Variants in SYT1 observed in about 807,000 individuals in gnomAD.
The protein encoded by SYT1 is synaptotagmin-1.
In SYT1, 8 loss-of-function variants were observed where a neutral mutation model predicts 44.8. That is an observed-to-expected ratio of 0.18 (90% CI 0.10 to 0.32). The LOEUF is 0.32. SYT1 is among the 10% of genes least tolerant of loss of function. The probability of loss-of-function intolerance (pLI) is 1.00; values close to 1 mark genes in which losing one functional copy is unlikely to be tolerated. For missense variants in SYT1, 286 were observed against 509.3 expected (o/e 0.56, Z 4.22); for synonymous variants, 154 against 188.8 (o/e 0.82, Z 1.51).
At chr12:79,141,231 A>G (rs1273322643) in intron 3 of SYT1, among the ~76,000 whole-genome samples, 1 of 152,112 alleles carries the variant, frequency 6.6e-6, no homozygotes, top group Non-Finnish European at 1.5e-5. Context: ...AATTCAGTCT[A>G]TACATTGGTA....
At chr12:79,001,970 T>C (rs978581041) in intron 2 of SYT1, among the ~76,000 whole-genome samples, 1 of 152,114 alleles carries the variant, frequency 6.6e-6, no homozygotes, top group Admixed American at 6.6e-5. Context: ...GAAGTTTTGC[T>C]TTTGGTGATT....
intron 8 of SYT1, among the ~76,000 whole-genome samples, chr12:79,314,426 G>A (rs985344593): frequency 9.9e-5 from 15 of 152,138 alleles, no homozygotes; most frequent in Admixed American, 2.0e-4. Flanking sequence ...GACGAACCCA[G>A]TTTAAGGCTC....
chr12:79,323,516 T>A (rs1199499208), intron 8 of SYT1, among the ~76,000 whole-genome samples: 1 of 152,206 alleles, frequency 6.6e-6, no homozygotes, highest in Non-Finnish European at 1.5e-5. Flanking sequence ...TGAAGTTTAC[T>A]TAACACCGAA....
chr12:79,150,656 A>G (rs17005303), intron 3 of SYT1, among the ~76,000 whole-genome samples: 2,136 of 152,304 alleles, frequency 0.014, 54 homozygotes, highest in African/African-American at 0.049. Flanking sequence ...ACAAGATGAT[A>G]GTCATGCCAA....
rs148232305 is a variant in SYT1 at position 79,379,832 on chromosome 12, T to C, written c.928+26213T>C. On this transcript the variant is annotated intron_variant, in intron 9 of 10. Coordinates refer to ENST00000261205, the MANE Select transcript of SYT1 (RefSeq NM_005639.3). The stretch of plus-strand genomic sequence containing the variant: ...AAAAAACTATAGATATTGCTGAGAG[T>C]TTACTTACTGTGCTTAATACTTCAC... Among the ~76,000 whole-genome samples the C allele has an allele frequency of 2.5e-3, 381 of 152,188 alleles. 1 individual carries two copies. The highest frequency in any genetic ancestry group is 8.8e-3 in the African/African-American group (366 of 41,522).
At chr12:79,323,528 A>T (rs1022920014) in intron 8 of SYT1, among the ~76,000 whole-genome samples, 1 of 152,192 alleles carries the variant, frequency 6.6e-6, no homozygotes, top group Non-Finnish European at 1.5e-5. Context: ...AACACCGAAA[A>T]CGTCAGTCCA....
chr12:79,308,611 AAAAAGAAAGAAAG>A (rs1208562733), intron 8 of SYT1, among the ~76,000 whole-genome samples: 8 of 37,330 alleles, frequency 2.1e-4, no homozygotes, highest in Admixed American at 6.8e-4. Context: ...AGAAAGAAAG[AAAAAGAAAGAAAG>A]AAAGAAAGAA....
intron 1 of SYT1, among the ~76,000 whole-genome samples, chr12:78,902,011 G>A (rs1051316516): frequency 7.4e-5 from 11 of 148,892 alleles, no homozygotes; most frequent in African/African-American, 2.5e-4. Context: ...ACAGGGAGGC[G>A]AACATCACAC....
chr12:79,248,643 G>C (rs1027247463), intron 4 of SYT1, among the ~76,000 whole-genome samples: 1 of 152,156 alleles, frequency 6.6e-6, no homozygotes, highest in African/African-American at 2.4e-5. Flanking sequence ...TAACTTTACT[G>C]AAGACTAAAA....
At chr12:79,159,099 T>C (rs530098718) in intron 3 of SYT1, among the ~76,000 whole-genome samples, 65 of 152,266 alleles carry the variant, frequency 4.3e-4, no homozygotes, top group African/African-American at 1.5e-3. Context: ...AGGCCTCTTA[T>C]GCTTTGCTGA....
At chr12:79,240,541 G>T (rs1876443483) in intron 4 of SYT1, among the ~76,000 whole-genome samples, 1 of 152,130 alleles carries the variant, frequency 6.6e-6, no homozygotes, top group Non-Finnish European at 1.5e-5. Context: ...ATCCTTCAAA[G>T]GTTATATTTT....
chr12:79,379,906 C>A (rs1228986541), intron 9 of SYT1, among the ~76,000 whole-genome samples: 1 of 152,112 alleles, frequency 6.6e-6, no homozygotes, highest in South Asian at 2.1e-4. Context: ...AGGAAACAAG[C>A]CTAAGGAAAT....
intron 7 of SYT1, among the ~76,000 whole-genome samples, chr12:79,299,064 C>T (rs898494676): frequency 5.9e-5 from 9 of 152,054 alleles, no homozygotes; most frequent in South Asian, 4.1e-4. Flanking sequence ...TACTTATAGT[C>T]AAATGCAATT....
chr12:79,076,333 C>T (rs1876647052), intron 3 of SYT1, among the ~76,000 whole-genome samples: 1 of 152,104 alleles, frequency 6.6e-6, no homozygotes, highest in Admixed American at 6.6e-5. Flanking sequence ...CCGTGACCTT[C>T]TTGCTTCTGT....
intron 3 of SYT1, among the ~76,000 whole-genome samples, chr12:79,083,792 A>G (rs1321924840): frequency 2.6e-5 from 4 of 152,190 alleles, no homozygotes. Flanking sequence ...AAATAATAGA[A>G]GAAGCTTTAG....
At chr12:79,228,396 G>T (rs532018302) in intron 4 of SYT1, among the ~76,000 whole-genome samples, 1 of 152,048 alleles carries the variant, frequency 6.6e-6, no homozygotes, top group Non-Finnish European at 1.5e-5. Context: ...GATACTTCCC[G>T]ATGTACAATT....
chr12:79,306,402 A>C (rs559319661), intron 8 of SYT1, among the ~76,000 whole-genome samples: 1 of 152,188 alleles, frequency 6.6e-6, no homozygotes, highest in Non-Finnish European at 1.5e-5. Flanking sequence ...GAAAAGGTAA[A>C]TCTCATTGAA....
At chr12:78,979,226 G>T (rs868412735) in intron 2 of SYT1, among the ~76,000 whole-genome samples, 3 of 152,110 alleles carry the variant, frequency 2.0e-5, no homozygotes, top group African/African-American at 7.2e-5. Flanking sequence ...ATGAAGGGCA[G>T]GTGCCTAATG....
chr12:79,429,263 G>A (rs1299328057), intron 9 of SYT1, among the ~76,000 whole-genome samples: 1 of 152,130 alleles, frequency 6.6e-6, no homozygotes, highest in Admixed American at 6.5e-5. Flanking sequence ...CTGGAGTGCA[G>A]TGGTGTGATC....
Sources: allele counts gnomAD v4.1 joint callset (sites outside exome capture counted in the v4.1 genomes callset), GRCh38; gene constraint gnomAD v4.1.1; transcripts MANE v1.5; gene names NCBI Gene and HGNC (gene_info 2026-07-23, HGNC 2026-07-21).